The following ANKS1B variants were observed in gnomAD, a reference collection of about 807,000 sequenced individuals.
ANKS1B encodes ankyrin repeat and sterile alpha motif domain-containing protein 1B.
A neutral mutation model predicts 148.3 loss-of-function variants in ANKS1B; 36 were observed. The ratio of observed to expected loss-of-function variants is 0.24; its 90% confidence interval spans 0.19 to 0.32. The LOEUF (loss-of-function observed/expected upper bound fraction) is 0.32, where lower values mean the gene tolerates loss of function less well. Ranked by LOEUF, ANKS1B falls within the 10% of genes least tolerant of loss-of-function variation. ANKS1B has a pLI of 1.00. For missense variants in ANKS1B, 1,157 were observed against 1,542.6 expected (o/e 0.75, Z 4.19); for synonymous variants, 542 against 560.8 (o/e 0.97, Z 0.47).
chr12:99,456,723 G>T (rs2095853674), intron 10 of ANKS1B, among the ~76,000 whole-genome samples: 1 of 151,870 alleles, frequency 6.6e-6, no homozygotes, highest in Admixed American at 6.6e-5. Context: ...TAAAGACAAA[G>T]AAAATTTTTT....
intron 1 of ANKS1B, among the ~76,000 whole-genome samples, chr12:99,967,726 G>C (rs1421591142): frequency 6.6e-6 from 1 of 151,774 alleles, no homozygotes; most frequent in Non-Finnish European, 1.5e-5. Flanking sequence ...GGCCAACATG[G>C]TGAAACGCCG....
intron 15 of ANKS1B, among the ~76,000 whole-genome samples, chr12:99,125,898 GA>G (rs142087668): frequency 0.015 from 2,155 of 143,138 alleles, 47 homozygotes; most frequent in East Asian, 0.089. Flanking sequence ...TCTATAAAAA[GA>G]AAAAAAAAAT....
chr12:99,939,076 T>A (rs1466713536), intron 1 of ANKS1B, among the ~76,000 whole-genome samples: 1 of 152,154 alleles, frequency 6.6e-6, no homozygotes, highest in African/African-American at 2.4e-5. Flanking sequence ...GGCTTATATA[T>A]CATCTGAAGG....
chr12:99,728,456 A>G (rs973061504), intron 8 of ANKS1B, among the ~76,000 whole-genome samples: 2 of 152,236 alleles, frequency 1.3e-5, no homozygotes, highest in Non-Finnish European at 2.9e-5. Flanking sequence ...AATGGTAATT[A>G]TTAAAAAGTC....
chr12:99,960,225 G>C (rs956258020), intron 1 of ANKS1B, among the ~76,000 whole-genome samples: 1 of 152,202 alleles, frequency 6.6e-6, no homozygotes, highest in Non-Finnish European at 1.5e-5. Context: ...TAAAAGCCAA[G>C]GGTGGCAACG....
In ANKS1B at chr12:99,228,052, T is replaced by C. The variant is rs1242362474; in HGVS notation, c.2419+16290A>G. On this transcript the variant is annotated intron_variant, in intron 14 of 26. Transcript: ENST00000683438. Reference sequence around the variant, plus strand: ...TTTGAAAAGCTTTAAAGGAGGACATTCTACCAAAGCATAACTCATAAAACA... The same window carrying C: ...TTTGAAAAGCTTTAAAGGAGGACATCCTACCAAAGCATAACTCATAAAACA... Among the ~76,000 whole-genome samples, 10 of 152,040 alleles carry C rather than the reference T, an allele frequency of 6.6e-5. No individual in the cohort carries two copies. In the Admixed American group the frequency reaches 6.6e-4, roughly 10 times the overall value.
At chr12:99,019,657 T>C (rs2099944604) in intron 17 of ANKS1B, among the ~76,000 whole-genome samples, 1 of 152,238 alleles carries the variant, frequency 6.6e-6, no homozygotes, top group African/African-American at 2.4e-5. Context: ...AAATATTTTC[T>C]CAAACTAAGC....
At chr12:99,357,919 TC>T (rs1432495093) in intron 12 of ANKS1B, among the ~76,000 whole-genome samples, 1 of 152,138 alleles carries the variant, frequency 6.6e-6, no homozygotes, top group African/African-American at 2.4e-5. Flanking sequence ...TCTATTTTTT[TC>T]ATAACATATT....
chr12:99,773,025 T>A lies in ANKS1B; in HGVS notation c.1025A>T (p.Asp342Val), dbSNP rs760173471. ...LDEIKLCQEK[D>V]YSFEDLCHTI... ...GTGGCACAAGTCTTCAAACGAATAATCCTTTTCTTGACAGAGTTTTATTTC... is the reference window on the plus strand; with the variant it reads ...GTGGCACAAGTCTTCAAACGAATAAACCTTTTCTTGACAGAGTTTTATTTC... Residue 342 changes from aspartate to valine, a missense_variant, in exon 8 of 27, where the codon GAT becomes GTT. Asp to Val is a radical substitution (Grantham distance 152, BLOSUM62 -3). This residue lies in a region of ANKS1B where 661 missense variants were observed against 642.1 expected (regional missense o/e 1.03). Transcript: ENST00000683438. 2.5e-6 allele frequency: 4 copies of A among 1,611,822 alleles called. No homozygotes were observed. The East Asian group carries it at 8.9e-5, about 36-fold the overall frequency.
chr12:99,847,181 C>T (rs12824859), intron 1 of ANKS1B, among the ~76,000 whole-genome samples: 21,630 of 151,340 alleles, frequency 0.14, 1,911 homozygotes, highest in Non-Finnish European at 0.2. Flanking sequence ...TCATGGCTCA[C>T]TGCATTCTCA....
At chr12:99,102,803 T>C (rs766063197) in intron 15 of ANKS1B, among the ~76,000 whole-genome samples, 5 of 152,082 alleles carry the variant, frequency 3.3e-5, no homozygotes, top group Admixed American at 2.0e-4. Flanking sequence ...GTTCACACTG[T>C]AGTGGTGGCC....
Position 98,745,627 on chromosome 12 carries a change from A to G in ANKS1B, c.*112T>C. 2 of 1,474,154 alleles carry G rather than the reference A, an allele frequency of 1.4e-6. No individual in the cohort carries two copies. The highest frequency in any genetic ancestry group is 1.4e-5 in the African/African-American group (1 of 69,604). 91.3% of individuals were successfully genotyped at this position (1,474,154 alleles called of 1,614,324 possible). Reference sequence around the variant, plus strand: ...GGCCTTTCGCCCGTAACAAGGCCGCACGCTCAGAGCAGTCTTCCTCCTGGG... The same window carrying G: ...GGCCTTTCGCCCGTAACAAGGCCGCGCGCTCAGAGCAGTCTTCCTCCTGGG... On this transcript the variant is annotated 3_prime_UTR_variant, in exon 27 of 27. Coordinates refer to ENST00000683438, the MANE Select transcript of ANKS1B (RefSeq NM_001352186.2).
chr12:99,820,799 A>G (rs2082406952), intron 2 of ANKS1B, among the ~76,000 whole-genome samples: 1 of 151,984 alleles, frequency 6.6e-6, no homozygotes, highest in East Asian at 1.9e-4. Context: ...AGAGCCAGGG[A>G]GAGTTTAACA....
intron 12 of ANKS1B, among the ~76,000 whole-genome samples, chr12:99,323,883 T>A (rs1382951297): frequency 6.6e-6 from 1 of 152,190 alleles, no homozygotes; most frequent in Non-Finnish European, 1.5e-5. Flanking sequence ...TCATCTTGCT[T>A]CACTTTCAAC....
intron 12 of ANKS1B, among the ~76,000 whole-genome samples, chr12:99,298,359 T>A (rs1257557394): frequency 6.6e-6 from 1 of 152,178 alleles, no homozygotes; most frequent in Non-Finnish European, 1.5e-5. Context: ...AGTGAACAAG[T>A]CTCATGAGAT....
rs886812833 is a variant in ANKS1B at position 99,934,443 on chromosome 12, G to T, written c.134+49661C>A. On this transcript the variant is annotated intron_variant, in intron 1 of 26. Transcript: ENST00000683438. ...AGACTTTTTATTACAGCTCAGTCTT[G>T]TCAGTTGTTATTGGTCTGTTCAAGT... 2.0e-5 allele frequency among the ~76,000 whole-genome samples: 3 copies of T among 152,042 alleles called. No individual in the cohort carries two copies. In the East Asian group the frequency reaches 5.8e-4, roughly 29 times the overall value.
At chr12:99,674,713 C>A (rs947140844) in intron 8 of ANKS1B, among the ~76,000 whole-genome samples, 2 of 151,620 alleles carry the variant, frequency 1.3e-5, no homozygotes, top group Non-Finnish European at 3.0e-5. Context: ...TAGGCATTTT[C>A]TTTTAAAGGC....
intron 8 of ANKS1B, among the ~76,000 whole-genome samples, chr12:99,734,788 A>G (rs546596225): frequency 1.3e-5 from 2 of 152,278 alleles, no homozygotes; most frequent in Non-Finnish European, 2.9e-5. Flanking sequence ...AACTTTACCA[A>G]AATTATTCTC....
At chr12:99,656,195 T>C (rs1283658738) in intron 8 of ANKS1B, among the ~76,000 whole-genome samples, 1 of 152,166 alleles carries the variant, frequency 6.6e-6, no homozygotes, top group Non-Finnish European at 1.5e-5. Flanking sequence ...TGAAGATTCA[T>C]AACCTACCCC....
Sources: gnomAD v4.1 joint callset for allele counts (sites outside exome capture counted in the v4.1 genomes callset) on GRCh38, gnomAD v4.1.1 for gene constraint, gnomAD v4.1.1 regional missense constraint, MANE v1.5 for transcripts, NCBI Gene and HGNC (gene_info 2026-07-23, HGNC 2026-07-21) for gene names.